Variants in NTNG1 observed in about 807,000 individuals in gnomAD.
NTNG1 encodes netrin G1, also known as netrin-G1.
In NTNG1, 16 loss-of-function variants were observed where a neutral mutation model predicts 54.0. That is an observed-to-expected ratio of 0.30 (90% confidence interval 0.20 to 0.45). The LOEUF is 0.45. Among genes scored for constraint, NTNG1 ranks in the 20% least tolerant of loss-of-function variants. The probability of loss-of-function intolerance (pLI) is 1.00; values close to 1 mark genes in which losing one functional copy is unlikely to be tolerated. For missense variants in NTNG1, 530 were observed against 678.7 expected, an observed-to-expected ratio of 0.78 and a Z score of 2.43; for synonymous variants, 255 against 263.1, an observed-to-expected ratio of 0.97 and a Z score of 0.30.
intron 5 of NTNG1, among the ~76,000 whole-genome samples, chr1:107,426,120 A>C (rs542822919): frequency 6.6e-6 from 1 of 152,108 alleles, no homozygotes; most frequent in East Asian, 1.9e-4. Context: ...CCCATTCTGT[A>C]GGTTGTCTGT....
At chr1:107,221,360 C>G (rs566650944) in intron 2 of NTNG1, among the ~76,000 whole-genome samples, 15 of 152,110 alleles carry the variant, frequency 9.9e-5, no homozygotes, top group Non-Finnish European at 1.8e-4. Context: ...AAGAAACAAG[C>G]AAACACCTGC....
At chr1:107,479,772 A>G (rs1283369466) in intron 7 of NTNG1, among the ~76,000 whole-genome samples, 1 of 152,212 alleles carries the variant, frequency 6.6e-6, no homozygotes, top group Non-Finnish European at 1.5e-5. Flanking sequence ...AAGTTACATG[A>G]CAGGGTCTGT....
At chr1:107,480,582 C>CCCCCCCCCCAA in intron 7 of NTNG1, 29 bp from the exon 8 acceptor site, 2 of 707,698 alleles carry the variant, frequency 2.8e-6, no homozygotes, top group East Asian at 2.7e-5. Flanking sequence ...CCGCGCCCAC[C>CCCCCCCCCCAA]CACCCCTACC....
intron 2 of NTNG1, among the ~76,000 whole-genome samples, chr1:107,200,483 A>T (rs545495053): frequency 7.1e-4 from 57 of 80,196 alleles, no homozygotes; most frequent in Non-Finnish European, 1.2e-3. Context: ...GATTCCCATC[A>T]GGCTGCAGGG....
intron 5 of NTNG1, among the ~76,000 whole-genome samples, chr1:107,424,157 T>TGG (rs1674738218): frequency 6.6e-6 from 1 of 152,080 alleles, no homozygotes; most frequent in Non-Finnish European, 1.5e-5. Flanking sequence ...GGAATGTGGG[T>TGG]GGGGCTATTA....
At chr1:107,207,671 C>G in intron 2 of NTNG1, among the ~76,000 whole-genome samples, 1 of 152,092 alleles carries the variant, frequency 6.6e-6, no homozygotes, top group East Asian at 1.9e-4. Context: ...AACTTTTCAC[C>G]TATTGAAGAT....
chr1:107,233,267 T>C (rs960530940), intron 2 of NTNG1, among the ~76,000 whole-genome samples: 1 of 152,220 alleles, frequency 6.6e-6, no homozygotes, highest in African/African-American at 2.4e-5. Context: ...AGCATTCACA[T>C]TTCTCTACTT....
intron 2 of NTNG1, among the ~76,000 whole-genome samples, chr1:107,198,949 A>G (rs1381294040): frequency 6.6e-6 from 1 of 151,928 alleles, no homozygotes; most frequent in East Asian, 1.9e-4. Flanking sequence ...AGACACCGAA[A>G]TATTTTATGC....
chr1:107,249,806 C>G (rs948467050), intron 2 of NTNG1, among the ~76,000 whole-genome samples: 1 of 152,148 alleles, frequency 6.6e-6, no homozygotes, highest in Non-Finnish European at 1.5e-5. Flanking sequence ...AACTATGGGA[C>G]TAACACTTTA....
chr1:107,383,750 A>G (rs1671782230), intron 3 of NTNG1, among the ~76,000 whole-genome samples: 1 of 152,214 alleles, frequency 6.6e-6, no homozygotes, highest in South Asian at 2.1e-4. Flanking sequence ...CAAGCTCTTA[A>G]CACTATGTTA....
At chr1:107,230,986 T>G (rs975395296) in intron 2 of NTNG1, among the ~76,000 whole-genome samples, 1 of 152,188 alleles carries the variant, frequency 6.6e-6, no homozygotes, top group Non-Finnish European at 1.5e-5. Context: ...AGTATTGTGA[T>G]AGAATGGGAG....
chr1:107,402,995 T>C (rs1287094642), intron 4 of NTNG1, among the ~76,000 whole-genome samples: 4 of 152,214 alleles, frequency 2.6e-5, no homozygotes, highest in Non-Finnish European at 4.4e-5. Context: ...AAAGGAGTTA[T>C]GGCACTGTAT....
At chr1:107,149,774 T>A (rs924298010) in intron 2 of NTNG1, among the ~76,000 whole-genome samples, 4 of 152,064 alleles carry the variant, frequency 2.6e-5, no homozygotes, top group South Asian at 2.1e-4. Context: ...GTTTTTTTTT[T>A]AATTATAGGT....
chr1:107,376,918 A>G (rs1400422753), intron 3 of NTNG1, among the ~76,000 whole-genome samples: 1 of 152,174 alleles, frequency 6.6e-6, no homozygotes, highest in Non-Finnish European at 1.5e-5. Flanking sequence ...TCTCAAATGA[A>G]GATCACTGCC....
chr1:107,148,658 C>G lies in NTNG1; in HGVS notation c.65C>G (p.Pro22Arg), dbSNP rs1654323233. ...GTTACGGTGTCCTCAGTGATGCAGC[C>G]CTACCCTTTGGTTTGGGGACATTAT... ...LWVTVSSVMQ[P>R]YPLVWGHYDL... The change falls in exon 2 of 8, where the codon CCC (proline) becomes CGC (arginine). Residue 22 changes from proline to arginine, a missense_variant. By Grantham distance (103) the Pro-to-Arg change is moderately radical. Transcript: ENST00000370068. 6.2e-7 allele frequency: 1 copy of G among 1,613,088 alleles called. No individual in the cohort carries two copies. Among genetic ancestry groups the G allele is most frequent in the Admixed American group, 1.7e-5 (1 of 59,960 alleles).
intron 2 of NTNG1, among the ~76,000 whole-genome samples, chr1:107,270,605 C>T (rs1664076098): frequency 6.6e-6 from 1 of 151,966 alleles, no homozygotes; most frequent in Non-Finnish European, 1.5e-5. Flanking sequence ...ACCAGTAGTT[C>T]ATAATTTGGA....
At chr1:107,280,503 C>G (rs1172916677) in intron 2 of NTNG1, among the ~76,000 whole-genome samples, 1 of 151,270 alleles carries the variant, frequency 6.6e-6, no homozygotes, top group South Asian at 2.1e-4. Context: ...TTTTGTTTGT[C>G]TTGACTTTTC....
chr1:107,379,876 G>A (rs144376910), intron 3 of NTNG1, among the ~76,000 whole-genome samples: 98 of 152,280 alleles, frequency 6.4e-4, no homozygotes, highest in Middle Eastern at 3.4e-3. Flanking sequence ...AGAAGACCAG[G>A]ATACAAGAGA....
At chr1:107,185,523 A>T (rs1363958532) in intron 2 of NTNG1, among the ~76,000 whole-genome samples, 1 of 152,174 alleles carries the variant, frequency 6.6e-6, no homozygotes, top group Non-Finnish European at 1.5e-5. Flanking sequence ...TCCTAATCCA[A>T]TATGTCCTCA....
Sources: gnomAD v4.1 joint callset for allele counts (sites outside exome capture counted in the v4.1 genomes callset) on GRCh38, gnomAD v4.1.1 for gene constraint, MANE v1.5 for transcripts, NCBI Gene and HGNC (gene_info 2026-07-23, HGNC 2026-07-21) for gene names.